The following DOCK4 variants were observed in gnomAD, a reference collection of about 807,000 sequenced individuals.
DOCK4 encodes the protein dedicator of cytokinesis protein 4.
DOCK4 carries 97 observed loss-of-function variants against 268.1 expected under a neutral mutation model. The ratio of observed to expected loss-of-function variants is 0.36; its 90% CI spans 0.31 to 0.43. The LOEUF (loss-of-function observed/expected upper bound fraction) is 0.43. Ranked by LOEUF, DOCK4 falls within the 20% of genes least tolerant of loss-of-function variation. The pLI is 1.00. For missense variants in DOCK4, 2,145 were observed against 2,455.7 expected, an observed-to-expected ratio of 0.87 and a Z score of 2.67; for synonymous variants, 954 against 887.2, an observed-to-expected ratio of 1.08 and a Z score of -1.34.
At chr7:112,165,967 A>G (rs1817580190) in intron 1 of DOCK4, among the ~76,000 whole-genome samples, 1 of 152,034 alleles carries the variant, frequency 6.6e-6, no homozygotes, top group South Asian at 2.1e-4. Context: ...ACTATCCTAC[A>G]AGCACCACTG....
At position 112,015,884 on chromosome 7, in the gene DOCK4, T is replaced by C. The variant is rs1274862111; in HGVS notation, c.38-11753A>G. On this transcript the variant is annotated intron_variant, in intron 1 of 52. Transcript: ENST00000428084. ...ATGGTGGAAGGACGAAGAACATGAGTGTAAACTACCCAAACACAGCCTGAA... is the reference window on the plus strand; with the variant it reads ...ATGGTGGAAGGACGAAGAACATGAGCGTAAACTACCCAAACACAGCCTGAA... 7.9e-5 allele frequency among the ~76,000 whole-genome samples: 12 copies of C among 152,142 alleles called. 1 individual carries two copies. Among genetic ancestry groups the C allele is most frequent in the Admixed American group, 7.9e-4 (12 of 15,272 alleles).
At chr7:111,765,311 G>A (rs1797700444) in intron 38 of DOCK4, 89 bp from the exon 39 acceptor site, 4 of 808,310 alleles carry the variant, frequency 4.9e-6, no homozygotes, top group South Asian at 1.9e-5. Context: ...TTACATAAAG[G>A]AGAACTTTAT....
At chr7:111,945,012 T>C in intron 9 of DOCK4, 141 bp from the exon 10 acceptor site, 2 of 715,446 alleles carry the variant, frequency 2.8e-6, no homozygotes, top group Non-Finnish European at 4.9e-6. Context: ...GTACATGATT[T>C]AAATCCTGTT....
intron 1 of DOCK4, among the ~76,000 whole-genome samples, chr7:112,189,269 A>G (rs1819715607): frequency 7.2e-6 from 1 of 138,600 alleles, no homozygotes; most frequent in South Asian, 2.6e-4. Flanking sequence ...TTGCTATCTC[A>G]AGATACTCTT....
At chr7:111,855,356 C>A (rs766894179) in intron 23 of DOCK4, among the ~76,000 whole-genome samples, 1 of 151,892 alleles carries the variant, frequency 6.6e-6, no homozygotes, top group Non-Finnish European at 1.5e-5. Context: ...TACAGAGGCA[C>A]GTGAGGTTTC....
intron 1 of DOCK4, among the ~76,000 whole-genome samples, chr7:112,119,623 G>A (rs540537312): frequency 3.3e-5 from 5 of 152,240 alleles, no homozygotes; most frequent in African/African-American, 1.2e-4. Context: ...AAACAGAACC[G>A]GGTGGTTATT....
chr7:111,795,340 C>T (rs916159932), intron 30 of DOCK4, among the ~76,000 whole-genome samples: 1 of 152,126 alleles, frequency 6.6e-6, no homozygotes, highest in Non-Finnish European at 1.5e-5. Flanking sequence ...TCATCCCTGG[C>T]CCCAGGGACC....
intron 46 of DOCK4, 76 bp from the exon 47 acceptor site, chr7:111,741,290 AC>A: frequency 6.4e-7 from 1 of 1,565,012 alleles, no homozygotes; most frequent in Non-Finnish European, 8.7e-7. Flanking sequence ...ATGCTATGAA[AC>A]CAAAGGGGGG....
Position 111,868,041 on chromosome 7 carries a change from T to A in DOCK4, c.2223A>T (p.Ser741=). The part of the protein sequence containing the change: ...FRCCIQELLM[S]VRFFLSQESK... ...TCTCTTGCGAAAGAAAGAAACGGAC[T>A]GACATGAGAAGCTCCTGAATGCAGC... Residue 741 remains serine, a synonymous_variant, in exon 22 of 53, where the codon TCA becomes TCT. Transcript: ENST00000428084. The A allele has an allele frequency of 1.9e-6, 3 of 1,613,136 alleles. No individual in the cohort carries two copies. Among genetic ancestry groups the A allele is most frequent in the Non-Finnish European group, 2.5e-6 (3 of 1,179,520 alleles).
chr7:111,888,452 G>C (rs993604186), intron 16 of DOCK4, among the ~76,000 whole-genome samples: 1 of 151,950 alleles, frequency 6.6e-6, no homozygotes, highest in African/African-American at 2.4e-5. Context: ...GCTGTGGTCA[G>C]AATATTGGGA....
chr7:112,159,110 G>C (rs900533006), intron 1 of DOCK4, among the ~76,000 whole-genome samples: 12 of 152,156 alleles, frequency 7.9e-5, no homozygotes, highest in Admixed American at 7.9e-4. Flanking sequence ...CTCCCTACCA[G>C]TACATCACTG....
intron 17 of DOCK4, among the ~76,000 whole-genome samples, chr7:111,873,568 T>C (rs1275529260): frequency 1.3e-5 from 2 of 152,148 alleles, no homozygotes; most frequent in Admixed American, 1.3e-4. Flanking sequence ...TCACTTGTTT[T>C]AGCAGAAACC....
At chr7:112,137,414 T>C (rs899694661) in intron 1 of DOCK4, among the ~76,000 whole-genome samples, 1 of 152,180 alleles carries the variant, frequency 6.6e-6, no homozygotes, top group Non-Finnish European at 1.5e-5. Flanking sequence ...AAGCATTTCT[T>C]TGAGCTAAAA....
chr7:112,181,353 T>C (rs927461220), intron 1 of DOCK4, among the ~76,000 whole-genome samples: 2 of 152,200 alleles, frequency 1.3e-5, no homozygotes, highest in South Asian at 2.1e-4. Flanking sequence ...TAGCATTGTT[T>C]GGAATAGCAT....
At chr7:111,874,132 A>G (rs367880054) in intron 17 of DOCK4, among the ~76,000 whole-genome samples, 1 of 152,090 alleles carries the variant, frequency 6.6e-6, no homozygotes, top group East Asian at 1.9e-4. Flanking sequence ...TCACTTCAGG[A>G]GGCCTCCCCT....
At chr7:112,173,004 G>A (rs573483157) in intron 1 of DOCK4, among the ~76,000 whole-genome samples, 6 of 152,220 alleles carry the variant, frequency 3.9e-5, no homozygotes, top group Non-Finnish European at 7.4e-5. Flanking sequence ...TAATCACGTC[G>A]TGTGAGCCCT....
intron 32 of DOCK4, among the ~76,000 whole-genome samples, chr7:111,787,789 G>A (rs1799278714): frequency 6.6e-6 from 1 of 152,140 alleles, no homozygotes; most frequent in African/African-American, 2.4e-5. Context: ...AAAAAAATGT[G>A]TTACTGCATT....
At chr7:112,197,831 C>T (rs1255239256) in intron 1 of DOCK4, among the ~76,000 whole-genome samples, 1 of 152,092 alleles carries the variant, frequency 6.6e-6, no homozygotes, top group East Asian at 1.9e-4. Flanking sequence ...CAGCACAGAA[C>T]TTCTCTTTTT....
intron 44 of DOCK4, among the ~76,000 whole-genome samples, chr7:111,742,398 ATT>A (rs1284854042): frequency 1.3e-5 from 2 of 152,084 alleles, no homozygotes; most frequent in Non-Finnish European, 1.5e-5. Flanking sequence ...TTTCCCATGT[ATT>A]TTAGATCTAT....
Sources: gnomAD v4.1 joint callset for allele counts (sites outside exome capture counted in the v4.1 genomes callset) on GRCh38, gnomAD v4.1.1 for gene constraint, MANE v1.5 for transcripts, NCBI Gene and HGNC (gene_info 2026-07-23, HGNC 2026-07-21) for gene names.